The following SMAD1 variants were observed in gnomAD, a reference collection of about 807,000 sequenced individuals.
SMAD1 encodes the protein MAD, mothers against decapentaplegic homolog 1.
SMAD1 carries 6 observed loss-of-function variants against 41.6 expected under a neutral mutation model. The ratio of observed to expected loss-of-function variants is 0.14; its 90% CI spans 0.08 to 0.28. The LOEUF (loss-of-function observed/expected upper bound fraction) is 0.28, where lower values mean the gene tolerates loss of function less well. Ranked by LOEUF, SMAD1 falls within the 10% of genes least tolerant of loss-of-function variation. The probability of loss-of-function intolerance (pLI) is 1.00; values close to 1 mark genes in which losing one functional copy is unlikely to be tolerated. For synonymous variants in SMAD1, 206 were observed against 203.2 expected (o/e 1.01, Z -0.12); for missense variants, 379 against 582.6 (o/e 0.65, Z 3.60).
At chr4:145,521,949 T>C (rs886502692) in intron 2 of SMAD1, among the ~76,000 whole-genome samples, 2 of 151,344 alleles carry the variant, frequency 1.3e-5, no homozygotes, top group Non-Finnish European at 2.9e-5. Context: ...TGGTGCTCTT[T>C]GTGCACTTTT....
At chr4:145,533,937 C>T (rs770253732) in intron 2 of SMAD1, among the ~76,000 whole-genome samples, 1 of 152,182 alleles carries the variant, frequency 6.6e-6, no homozygotes, top group Non-Finnish European at 1.5e-5. Context: ...ACCCCAAGCA[C>T]CATAGAATAT....
chr4:145,551,028 T>C (rs915049366), intron 5 of SMAD1, among the ~76,000 whole-genome samples: 2 of 150,924 alleles, frequency 1.3e-5, no homozygotes, highest in African/African-American at 2.5e-5. Context: ...TTGGAAAATG[T>C]ATTCTGAATA....
chr4:145,494,977 G>GA (rs1728984862), intron 1 of SMAD1, among the ~76,000 whole-genome samples: 1 of 152,164 alleles, frequency 6.6e-6, no homozygotes. Context: ...GCAGTTCTGT[G>GA]AATCCCGGAG....
intron 2 of SMAD1, among the ~76,000 whole-genome samples, chr4:145,523,760 A>G (rs561733625): frequency 5.5e-4 from 84 of 152,288 alleles, no homozygotes; most frequent in African/African-American, 2.0e-3. Context: ...GGGCAGAGCC[A>G]CTGAGGCGGT....
At chr4:145,539,651 A>ATTT (rs1731806843) in intron 2 of SMAD1, among the ~76,000 whole-genome samples, 153 bp from the exon 3 acceptor site, 2 of 152,246 alleles carry the variant, frequency 1.3e-5, no homozygotes, top group Admixed American at 1.3e-4. Flanking sequence ...AGGGTAAAAT[A>ATTT]GCTTTTCATT....
intron 1 of SMAD1, among the ~76,000 whole-genome samples, chr4:145,495,065 G>A (rs1728991057): frequency 6.6e-6 from 1 of 152,180 alleles, no homozygotes; most frequent in Non-Finnish European, 1.5e-5. Context: ...AAAAGTGGCA[G>A]AATAGAGCTG....
chr4:145,554,218 T>C (rs1191634489), intron 6 of SMAD1, among the ~76,000 whole-genome samples, 178 bp downstream of exon 6: 1 of 152,070 alleles, frequency 6.6e-6, no homozygotes, highest in Non-Finnish European at 1.5e-5. Context: ...GAAAATATCA[T>C]TGGAACATAG....
intron 5 of SMAD1, among the ~76,000 whole-genome samples, chr4:145,550,162 T>C (rs901208268): frequency 7.2e-5 from 11 of 152,002 alleles, no homozygotes; most frequent in Non-Finnish European, 1.5e-4. Context: ...GTAGATGATA[T>C]GTTTGATTGA....
chr4:145,491,884 G>A (rs998046732), intron 1 of SMAD1, among the ~76,000 whole-genome samples: 2 of 152,114 alleles, frequency 1.3e-5, no homozygotes, highest in Non-Finnish European at 2.9e-5. Flanking sequence ...TTTTATAGTG[G>A]CATTTGCTCA....
intron 6 of SMAD1, among the ~76,000 whole-genome samples, chr4:145,555,493 G>A (rs1325103717): frequency 6.6e-6 from 1 of 152,080 alleles, no homozygotes; most frequent in Non-Finnish European, 1.5e-5. Context: ...TGAGAACTGT[G>A]GTAATTATTA....
chr4:145,536,057 T>A (rs1731595791), intron 2 of SMAD1, among the ~76,000 whole-genome samples: 1 of 152,092 alleles, frequency 6.6e-6, no homozygotes, highest in Non-Finnish European at 1.5e-5. Flanking sequence ...ATTTCTGAAA[T>A]TTTTTCAGTG....
chr4:145,519,088 C>CTTTTTTTTTTT (rs771498383), intron 2 of SMAD1, among the ~76,000 whole-genome samples: 3 of 34,892 alleles, frequency 8.6e-5, no homozygotes, highest in East Asian at 6.7e-4. Flanking sequence ...GTTTGGTTGG[C>CTTTTTTTTTTT]TTTTTTTTTT....
At chr4:145,497,602 A>G (rs1729161001) in intron 1 of SMAD1, 3 of 152,312 alleles carry the variant, frequency 2.0e-5, no homozygotes, top group East Asian at 1.9e-4. Flanking sequence ...AAAGGAGGAG[A>G]ACTTGGGTTC....
At chr4:145,524,823 A>G (rs1730942672) in intron 2 of SMAD1, among the ~76,000 whole-genome samples, 1 of 151,706 alleles carries the variant, frequency 6.6e-6, no homozygotes, top group Non-Finnish European at 1.5e-5. Context: ...GAAAAACAGC[A>G]GTTTTGAAAA....
intron 1 of SMAD1, among the ~76,000 whole-genome samples, chr4:145,507,452 A>G (rs776794554): frequency 2.4e-4 from 36 of 152,024 alleles, no homozygotes; most frequent in Non-Finnish European, 4.4e-4. Flanking sequence ...ATAATATTCC[A>G]TTGAGTGGAT....
intron 2 of SMAD1, chr4:145,525,646 G>T (rs1207539571): frequency 6.6e-6 from 1 of 152,578 alleles, no homozygotes; most frequent in East Asian, 1.9e-4. Context: ...GGGCTGAGCT[G>T]GGCCAGGCCT....
At chr4:145,529,466 C>A (rs1241232387) in intron 2 of SMAD1, among the ~76,000 whole-genome samples, 1 of 152,170 alleles carries the variant, frequency 6.6e-6, no homozygotes, top group East Asian at 1.9e-4. Context: ...GGCTTGCTAT[C>A]CCTTTGGGGA....
chr4:145,521,511 G>A (rs1341384897), intron 2 of SMAD1, among the ~76,000 whole-genome samples: 5 of 152,036 alleles, frequency 3.3e-5, no homozygotes, highest in Non-Finnish European at 5.9e-5. Context: ...TAAAATTCAC[G>A]TAAAATCCTC....
chr4:145,504,359 A>G (rs1729645065), intron 1 of SMAD1, among the ~76,000 whole-genome samples: 1 of 152,186 alleles, frequency 6.6e-6, no homozygotes, highest in Non-Finnish European at 1.5e-5. Context: ...TTCTGTTTTT[A>G]TATTCATTGT....
Sources: gnomAD v4.1 joint callset for allele counts (sites outside exome capture counted in the v4.1 genomes callset) on GRCh38, gnomAD v4.1.1 for gene constraint, MANE v1.5 for transcripts, NCBI Gene and HGNC (gene_info 2026-07-23, HGNC 2026-07-21) for gene names.